Variants in CCDC3 observed in about 807,000 individuals in gnomAD.
CCDC3 encodes coiled-coil domain containing 3.
Under a neutral mutation model 21.4 loss-of-function variants are expected in CCDC3, and 24 were observed. That is an observed-to-expected ratio of 1.12 (90% CI 0.81 to 1.58). The LOEUF (loss-of-function observed/expected upper bound fraction) is 1.58, where lower values mean the gene tolerates loss of function less well. Among genes scored for constraint, CCDC3 ranks in the 40% most tolerant of loss-of-function variants. CCDC3 has a pLI of 0.00. For synonymous variants in CCDC3, 186 were observed against 166.0 expected (o/e 1.12, Z -0.93); for missense variants, 425 against 360.9 (o/e 1.18, Z -1.44).
At chr10:13,055,140 C>T (rs1322265965) in intron 4 of CCDC3, among the ~76,000 whole-genome samples, 3 of 152,164 alleles carry the variant, frequency 2.0e-5, no homozygotes. Context: ...GGCCTTTGGC[C>T]TCTGGGTTCT....
intron 5 of CCDC3, among the ~76,000 whole-genome samples, chr10:13,049,077 A>G (rs1438371769): frequency 2.0e-5 from 3 of 152,192 alleles, no homozygotes; most frequent in Admixed American, 2.0e-4. Context: ...GCTTTGGGAC[A>G]TCTTAGGCAT....
intron 4 of CCDC3, among the ~76,000 whole-genome samples, chr10:13,060,529 G>A (rs1836743549): frequency 6.6e-6 from 1 of 152,146 alleles, no homozygotes; most frequent in South Asian, 2.1e-4. Flanking sequence ...ACAACAGACA[G>A]GGTCTCACTC....
chr10:12,946,979 A>G (rs1834925060), intron 2 of CCDC3, among the ~76,000 whole-genome samples: 2 of 152,192 alleles, frequency 1.3e-5, no homozygotes, highest in African/African-American at 4.8e-5. Context: ...AAAGCAAAAG[A>G]CAGAGGCCAG....
At chr10:13,003,495 C>T (rs1022521512), upstream of CCDC3, among the ~76,000 whole-genome samples, 6 of 152,112 alleles carry the variant, frequency 3.9e-5, no homozygotes, top group Admixed American at 1.3e-4. Flanking sequence ...AGACACAGGT[C>T]GGCCCTTTAA....
chr10:13,038,632 C>T (rs1403817132), intron 5 of CCDC3, among the ~76,000 whole-genome samples: 1 of 152,218 alleles, frequency 6.6e-6, no homozygotes, highest in Non-Finnish European at 1.5e-5. Context: ...CTGGGGTGCT[C>T]CAAGCCCTGG....
intron 4 of CCDC3, among the ~76,000 whole-genome samples, chr10:13,063,245 A>C (rs1166004736): frequency 3.2e-5 from 1 of 31,700 alleles, no homozygotes; most frequent in East Asian, 7.9e-4. Context: ...GTCTTGATTT[A>C]TCAGCTCTGT....
chr10:12,978,364 G>C (rs1480410469), intron 2 of CCDC3, among the ~76,000 whole-genome samples: 3 of 152,202 alleles, frequency 2.0e-5, no homozygotes, highest in Non-Finnish European at 4.4e-5. Flanking sequence ...ACATTTTCAG[G>C]TTAAGAGATG....
chr10:13,054,445 C>T (rs755478586), intron 4 of CCDC3, among the ~76,000 whole-genome samples: 4 of 152,030 alleles, frequency 2.6e-5, no homozygotes, highest in Admixed American at 6.6e-5. Context: ...TCCAAAAACT[C>T]GCTGTTTGTT....
At chr10:12,970,860 A>T (rs1488498575) in intron 2 of CCDC3, among the ~76,000 whole-genome samples, 1 of 150,728 alleles carries the variant, frequency 6.6e-6, no homozygotes, top group East Asian at 1.9e-4. Flanking sequence ...ACTGCATTCT[A>T]GCCTGGGCGA....
chr10:12,991,818 C>T (rs1311215310), intron 2 of CCDC3, among the ~76,000 whole-genome samples: 1 of 152,142 alleles, frequency 6.6e-6, no homozygotes. Context: ...AGAAGCAATG[C>T]GGGGATCTGA....
chr10:12,942,891 C>T (rs1245707183), intron 2 of CCDC3, among the ~76,000 whole-genome samples: 2 of 152,146 alleles, frequency 1.3e-5, no homozygotes, highest in African/African-American at 2.4e-5. Context: ...TGTGTGTCCT[C>T]GTCCTTGATC....
At chr10:12,981,831 T>C (rs1457501882) in intron 2 of CCDC3, among the ~76,000 whole-genome samples, 1 of 151,786 alleles carries the variant, frequency 6.6e-6, no homozygotes, top group African/African-American at 2.4e-5. Context: ...GAGTTAAAAA[T>C]GAGAAGTGAG....
intron 2 of CCDC3, among the ~76,000 whole-genome samples, chr10:12,922,233 G>A (rs1016931232): frequency 1.1e-4 from 17 of 152,164 alleles, no homozygotes; most frequent in Admixed American, 5.9e-4. Flanking sequence ...TGTGAATCCA[G>A]TCTACAGCGT....
chr10:13,075,889 AAAAAT>A (rs1225781902), intron 3 of CCDC3, among the ~76,000 whole-genome samples: 7 of 152,112 alleles, frequency 4.6e-5, no homozygotes, highest in African/African-American at 1.7e-4. Context: ...TCTCTACTAA[AAAAAT>A]AAAATAAAAT....
chr10:13,070,905 T>C (rs558207604), intron 4 of CCDC3, among the ~76,000 whole-genome samples: 1 of 152,364 alleles, frequency 6.6e-6, no homozygotes, highest in South Asian at 2.1e-4. Context: ...GATTCATTCA[T>C]TGTTTTTAAC....
At chr10:12,997,943 G>T (rs573319127) in intron 2 of CCDC3, among the ~76,000 whole-genome samples, 1 of 152,080 alleles carries the variant, frequency 6.6e-6, no homozygotes, top group South Asian at 2.1e-4. Flanking sequence ...GAAAAATCTC[G>T]TAATGTTCTA....
In CCDC3 at chr10:12,919,372, T is replaced by C. The variant is rs569301085; in HGVS notation, c.550-20693A>G. Among the ~76,000 whole-genome samples, 9 of 152,210 alleles carry C rather than the reference T, an allele frequency of 5.9e-5. No homozygotes were observed. The South Asian group carries it at 1.7e-3, about 28-fold the overall frequency. ...TGGGAGGCTGAGGCCGGCGGATCACTTGAGGTCAAGAGTTTGCCATCAGCC... is the reference window on the plus strand; with the variant it reads ...TGGGAGGCTGAGGCCGGCGGATCACCTGAGGTCAAGAGTTTGCCATCAGCC... On this transcript the variant is annotated intron_variant, in intron 2 of 2. Transcript: ENST00000378825.
At chr10:13,075,007 C>T (rs1162141797) in intron 3 of CCDC3, among the ~76,000 whole-genome samples, 1 of 152,128 alleles carries the variant, frequency 6.6e-6, no homozygotes, top group African/African-American at 2.4e-5. Flanking sequence ...TCACTTGGCG[C>T]CATCTGCTGG....
intron 2 of CCDC3, among the ~76,000 whole-genome samples, chr10:12,985,234 G>A (rs59718422): frequency 0.015 from 2,344 of 152,260 alleles, 65 homozygotes; most frequent in African/African-American, 0.053. Flanking sequence ...AGATAGCACT[G>A]CACACCTATC....
Sources: gnomAD v4.1 joint callset for allele counts (sites outside exome capture counted in the v4.1 genomes callset) on GRCh38, gnomAD v4.1.1 for gene constraint, MANE v1.5 for transcripts, NCBI Gene and HGNC (gene_info 2026-07-23, HGNC 2026-07-21) for gene names.